VPS41: variants seen among roughly 807,000 people sequenced by gnomAD.
The protein encoded by VPS41 is VPS41 subunit of HOPS complex, also known as vacuolar protein sorting-associated protein 41 homolog.
Under a neutral mutation model 130.9 loss-of-function variants are expected in VPS41, and 85 were observed. The ratio of observed to expected loss-of-function variants is 0.65; its 90% confidence interval spans 0.55 to 0.78. VPS41 has a LOEUF of 0.78. Among genes scored for constraint, VPS41 ranks in the 30% least tolerant of loss-of-function variants. The probability of loss-of-function intolerance (pLI) is 0.00; values close to 1 mark genes in which losing one functional copy is unlikely to be tolerated. For synonymous variants in VPS41, 335 were observed against 332.9 expected, an observed-to-expected ratio of 1.01 and a Z score of -0.07; for missense variants, 874 against 1,018.7, an observed-to-expected ratio of 0.86 and a Z score of 1.93.
intron 4 of VPS41, among the ~76,000 whole-genome samples, chr7:38,833,011 TC>T (rs761050946): frequency 6.6e-6 from 1 of 152,186 alleles, no homozygotes; most frequent in Non-Finnish European, 1.5e-5. Context: ...CCTGATGGTT[TC>T]CCCACCTCAG....
chr7:38,906,881 T>C (rs1787279634), intron 1 of VPS41, among the ~76,000 whole-genome samples: 1 of 152,210 alleles, frequency 6.6e-6, no homozygotes, highest in Non-Finnish European at 1.5e-5. Context: ...ACTGGAGATT[T>C]ATTATATTAT....
intron 25 of VPS41, among the ~76,000 whole-genome samples, chr7:38,738,815 C>T (rs1409035872): frequency 2.0e-5 from 3 of 152,094 alleles, no homozygotes; most frequent in Non-Finnish European, 4.4e-5. Context: ...ACAAGGTAGC[C>T]GGGTATAAAA....
chr7:38,783,447 T>C (rs111627957), intron 10 of VPS41, among the ~76,000 whole-genome samples: 7,699 of 152,064 alleles, frequency 0.051, 669 homozygotes, highest in African/African-American at 0.17. Context: ...AGGCAGAGAA[T>C]TGCTTGAACC....
chr7:38,869,725 TA>T (rs1343107379), intron 2 of VPS41, among the ~76,000 whole-genome samples: 1 of 152,156 alleles, frequency 6.6e-6, no homozygotes, highest in Non-Finnish European at 1.5e-5. Flanking sequence ...TGTGATGGCA[TA>T]AAACTAGCCA....
intron 25 of VPS41, 119 bp downstream of exon 25, chr7:38,741,866 T>C: frequency 8.6e-7 from 1 of 1,164,424 alleles, no homozygotes; most frequent in Non-Finnish European, 1.2e-6. Context: ...TGGGCCTAAA[T>C]AAAATGTAAC....
At position 38,728,672 on chromosome 7, in the gene VPS41, AT is replaced by A; in HGVS notation, c.2359+19del. On this transcript the variant is annotated intron_variant, in intron 26 of 28. Transcript: ENST00000310301. ...AAAGCAGGGCACGTGGTTCCATATG[AT>A]TATTTCAATTTTACCCACCATCAAC... 1.9e-6 allele frequency: 3 copies of A among 1,613,944 alleles called. No individual in the cohort carries two copies. Among genetic ancestry groups the A allele is most frequent in the Non-Finnish European group, 2.5e-6 (3 of 1,179,842 alleles).
intron 7 of VPS41, among the ~76,000 whole-genome samples, chr7:38,806,392 G>C (rs992194921): frequency 3.3e-5 from 5 of 152,082 alleles, no homozygotes; most frequent in Non-Finnish European, 1.5e-5. Flanking sequence ...CAGAAGAATG[G>C]TTAAGAAAAT....
In VPS41 at chr7:38,778,406, G is replaced by A. The variant is rs117633280; in HGVS notation, c.785-1630C>T. ...GAAGCTCACAGTGCTGTGCATGCAC[G>A]TGGGCGGTGAAGCAGGGAGCAGGGG... On this transcript the variant is annotated intron_variant, in intron 10 of 28. Coordinates refer to ENST00000310301, the MANE Select transcript of VPS41 (RefSeq NM_014396.4). 1.3e-3 allele frequency among the ~76,000 whole-genome samples: 203 copies of A among 152,344 alleles called. 1 individual carries two copies. The East Asian group carries it at 0.034, about 25-fold the overall frequency.
chr7:38,805,195 C>T (rs1309537771), intron 7 of VPS41, among the ~76,000 whole-genome samples: 1 of 152,128 alleles, frequency 6.6e-6, no homozygotes, highest in Non-Finnish European at 1.5e-5. Flanking sequence ...CAGACAGTTA[C>T]CTGAAAACAC....
intron 7 of VPS41, among the ~76,000 whole-genome samples, chr7:38,810,388 A>G (rs62444138): frequency 0.017 from 2,045 of 120,640 alleles, 21 homozygotes; most frequent in Non-Finnish European, 0.025. Flanking sequence ...ATGTTCTGCA[A>G]TGTATGTTGC....
intron 5 of VPS41, among the ~76,000 whole-genome samples, chr7:38,821,532 A>G (rs1298563182): frequency 6.6e-6 from 1 of 152,076 alleles, no homozygotes; most frequent in African/African-American, 2.4e-5. Flanking sequence ...AATATGGTGA[A>G]ACCCCATCTC....
intron 23 of VPS41, among the ~76,000 whole-genome samples, chr7:38,743,968 C>A (rs1420157477): frequency 6.6e-6 from 1 of 152,232 alleles, no homozygotes; most frequent in Non-Finnish European, 1.5e-5. Context: ...AATACCTTCA[C>A]ATGCAGATAC....
intron 9 of VPS41, among the ~76,000 whole-genome samples, chr7:38,790,556 A>G (rs1329857589): frequency 6.6e-6 from 1 of 152,186 alleles, no homozygotes; most frequent in Non-Finnish European, 1.5e-5. Context: ...CTGTACACCA[A>G]CTACTTCATT....
chr7:38,824,979 A>G (rs1785242387), intron 5 of VPS41, among the ~76,000 whole-genome samples: 1 of 152,234 alleles, frequency 6.6e-6, no homozygotes, highest in Non-Finnish European at 1.5e-5. Context: ...CTGAGGATAA[A>G]TGTCCCTTCA....
At chr7:38,865,925 A>G (rs1007330681) in intron 3 of VPS41, among the ~76,000 whole-genome samples, 1 of 152,226 alleles carries the variant, frequency 6.6e-6, no homozygotes, top group Admixed American at 6.5e-5. Flanking sequence ...GAATTCTAAG[A>G]AGGAGGATTA....
intron 7 of VPS41, among the ~76,000 whole-genome samples, chr7:38,801,938 AC>A (rs1487692521): frequency 6.6e-6 from 1 of 152,200 alleles, no homozygotes; most frequent in East Asian, 1.9e-4. Context: ...AATATTTTGA[AC>A]ACAATGGAAT....
At position 38,856,595 on chromosome 7, in the gene VPS41, C is replaced by T. The variant is rs562462627; in HGVS notation, c.246+5950G>A. 9.2e-5 allele frequency among the ~76,000 whole-genome samples: 14 copies of T among 152,080 alleles called. 1 individual carries two copies. In the South Asian group the frequency reaches 1.9e-3, roughly 20 times the overall value. On this transcript the variant is annotated intron_variant, in intron 4 of 28. Coordinates refer to ENST00000310301, the MANE Select transcript of VPS41 (RefSeq NM_014396.4). ...CAATATATACTTACTGGATACCAAA[C>T]GGCAGCAGAGAAAAGAGAAAGGGTG...
chr7:38,836,075 G>T (rs1296692961), intron 4 of VPS41, among the ~76,000 whole-genome samples: 4 of 151,770 alleles, frequency 2.6e-5, no homozygotes, highest in Admixed American at 6.6e-5. Flanking sequence ...CAAAGCTAAG[G>T]TTATTTTTCT....
intron 4 of VPS41, among the ~76,000 whole-genome samples, chr7:38,844,259 G>A (rs1014264044): frequency 1.4e-4 from 22 of 152,154 alleles, no homozygotes; most frequent in African/African-American, 4.8e-4. Context: ...TAGCTTTATG[G>A]TTCATCAGGG....
Sources: gnomAD v4.1 joint callset for allele counts (sites outside exome capture counted in the v4.1 genomes callset) on GRCh38, gnomAD v4.1.1 for gene constraint, MANE v1.5 for transcripts, NCBI Gene and HGNC (gene_info 2026-07-23, HGNC 2026-07-21) for gene names.